Variants in RASGRP3 observed in about 807,000 individuals in gnomAD.
RASGRP3 encodes ras guanyl-releasing protein 3.
A neutral mutation model predicts 82.7 loss-of-function variants in RASGRP3; 54 were observed. The observed-to-expected ratio is 0.65, with a 90% CI of 0.52 to 0.82. The LOEUF is 0.82. Ranked by LOEUF, RASGRP3 falls within the 40% of genes least tolerant of loss-of-function variation. RASGRP3 has a pLI of 0.00. For missense variants in RASGRP3, 861 were observed against 828.9 expected (o/e 1.04, Z -0.48); for synonymous variants, 309 against 300.5 (o/e 1.03, Z -0.29).
chr2:33,488,404 G>C (rs924861882), intron 1 of RASGRP3, among the ~76,000 whole-genome samples: 1 of 152,152 alleles, frequency 6.6e-6, no homozygotes, highest in African/African-American at 2.4e-5. Context: ...ATGGAACACA[G>C]AAGATGCTTT....
chr2:33,458,938 C>T (rs765848685), intron 2 of RASGRP3, among the ~76,000 whole-genome samples: 35 of 152,082 alleles, frequency 2.3e-4, no homozygotes, highest in Non-Finnish European at 4.0e-4. Context: ...CAAATAGACT[C>T]TAACTTTTAA....
At chr2:33,467,368 C>A (rs1666758822) in intron 2 of RASGRP3, among the ~76,000 whole-genome samples, 1 of 152,116 alleles carries the variant, frequency 6.6e-6, no homozygotes, top group East Asian at 1.9e-4. Context: ...CTGACTGTGA[C>A]TGGGTGCTTA....
chr2:33,498,249 TAAC>T (rs1669517743), intron 1 of RASGRP3, among the ~76,000 whole-genome samples: 1 of 152,328 alleles, frequency 6.6e-6, no homozygotes, highest in South Asian at 2.1e-4. Context: ...TTAGTTCTCA[TAAC>T]AACCCTACAA....
intron 2 of RASGRP3, among the ~76,000 whole-genome samples, chr2:33,455,396 A>G (rs1039785520): frequency 6.6e-6 from 1 of 152,206 alleles, no homozygotes; most frequent in African/African-American, 2.4e-5. Flanking sequence ...TTTGATTCTT[A>G]GTCCTGTGCA....
At position 33,527,283 on chromosome 2, in the gene RASGRP3, C is replaced by G. The variant is rs552600627; in HGVS notation, c.954C>G (p.Asp318Glu). 1.2e-6 allele frequency: 2 copies of G among 1,613,982 alleles called. No individual in the cohort carries two copies. Among genetic ancestry groups the G allele is most frequent in the South Asian group, 1.1e-5 (1 of 91,086 alleles). Residue 318 changes from aspartate to glutamate, a missense_variant, in exon 10 of 18, where the codon GAC (aspartate) becomes GAG (glutamate). Asp to Glu is a conservative substitution (Grantham distance 45). Transcript: ENST00000403687. The stretch of plus-strand genomic sequence containing the variant: ...TAGCTGTCCATGTCATTTTCCCAGA[C>G]TGGACAGAGGAGAACAAAGTGAACA... Reference protein sequence around the residue: ...DLIAVHVIFPDWTEENKVNIV... With the variant: ...DLIAVHVIFPEWTEENKVNIV...
chr2:33,506,984 T>C (rs755763640), intron 1 of RASGRP3, among the ~76,000 whole-genome samples: 7 of 152,014 alleles, frequency 4.6e-5, no homozygotes, highest in Admixed American at 6.6e-5. Context: ...AACACCTGAT[T>C]GAAGAAAATA....
chr2:33,532,995 T>A (rs1673249054), intron 10 of RASGRP3: 1 of 152,182 alleles, frequency 6.6e-6, no homozygotes, highest in Admixed American at 6.5e-5. Flanking sequence ...GGCTTCCTCC[T>A]TCTTTCTTTT....
At chr2:33,559,783 T>C (rs750702680) in intron 17 of RASGRP3, 1 of 389,956 alleles carries the variant, frequency 2.6e-6, no homozygotes, top group Non-Finnish European at 5.2e-6. Flanking sequence ...GAATATTGGG[T>C]TAGGCAGAGA....
At chr2:33,467,203 T>C (rs564887918) in intron 2 of RASGRP3, among the ~76,000 whole-genome samples, 13 of 152,332 alleles carry the variant, frequency 8.5e-5, no homozygotes, top group African/African-American at 3.1e-4. Flanking sequence ...GCAATGCACA[T>C]TGAACACCGG....
chr2:33,519,690 G>A (rs1671828758), intron 4 of RASGRP3, among the ~76,000 whole-genome samples: 1 of 152,182 alleles, frequency 6.6e-6, no homozygotes, highest in Admixed American at 6.5e-5. Flanking sequence ...GGCAGTTATT[G>A]GTTAATAAGT....
At chr2:33,557,769 TC>T (rs1676163145) in intron 15 of RASGRP3, among the ~76,000 whole-genome samples, 1 of 151,114 alleles carries the variant, frequency 6.6e-6, no homozygotes, top group Admixed American at 6.6e-5. Flanking sequence ...CAGTAAATGA[TC>T]AGAGGCAGTT....
At chr2:33,550,032 C>A (rs1675214139) in intron 14 of RASGRP3, among the ~76,000 whole-genome samples, 1 of 152,168 alleles carries the variant, frequency 6.6e-6, no homozygotes, top group Non-Finnish European at 1.5e-5. Context: ...GCCCAATGAG[C>A]CCTGGCATTC....
At chr2:33,471,208 C>G (rs1667040427) in intron 2 of RASGRP3, among the ~76,000 whole-genome samples, 1 of 151,878 alleles carries the variant, frequency 6.6e-6, no homozygotes, top group South Asian at 2.1e-4. Context: ...AAAAGTTTTT[C>G]TCTGTTGCCC....
At chr2:33,545,730 TG>T (rs1489150828) in intron 13 of RASGRP3, among the ~76,000 whole-genome samples, 1 of 152,196 alleles carries the variant, frequency 6.6e-6, no homozygotes, top group Non-Finnish European at 1.5e-5. Context: ...TCAATATCAC[TG>T]ATAATTAGAG....
chr2:33,521,902 A>G, intron 6 of RASGRP3, 53 bp from the exon 7 acceptor site: 3 of 1,559,930 alleles, frequency 1.9e-6, no homozygotes, highest in Non-Finnish European at 2.6e-6. Flanking sequence ...AATAACTTCC[A>G]TTGAGTGAAA....
intron 9 of RASGRP3, 24 bp from the exon 10 acceptor site, chr2:33,527,113 T>C (rs1306127306): frequency 6.8e-6 from 11 of 1,611,374 alleles, no homozygotes; most frequent in Non-Finnish European, 9.3e-6. Flanking sequence ...TGTTTGAAAA[T>C]TCTACTTTTC....
chr2:33,514,827 C>T lies in RASGRP3; in HGVS notation c.-127-183C>T, dbSNP rs1038649449. On this transcript the variant is annotated intron_variant, in intron 2 of 17. Transcript: ENST00000403687. ...ATGGTCTCCAAGCAGCATCCATCCCCGAGAACAGCTTAGCAGGTATTTTGG... is the reference window on the plus strand; with the variant it reads ...ATGGTCTCCAAGCAGCATCCATCCCTGAGAACAGCTTAGCAGGTATTTTGG... Among the ~76,000 whole-genome samples, 8 of 152,066 alleles carry T rather than the reference C, an allele frequency of 5.3e-5. No homozygotes were observed. The East Asian group carries it at 5.8e-4, about 11-fold the overall frequency.
At chr2:33,524,239 A>AAGC (rs1184462726) in intron 8 of RASGRP3, among the ~76,000 whole-genome samples, 187 bp downstream of exon 8, 1 of 152,240 alleles carries the variant, frequency 6.6e-6, no homozygotes, top group Non-Finnish European at 1.5e-5. Context: ...CAATGCTTAG[A>AAGC]AGCATTTAAT....
rs140703540 is a variant in RASGRP3, at chr2:33,517,780, A to G, written c.173+1136A>G. Among the ~76,000 whole-genome samples, 3 of 152,288 alleles carry G rather than the reference A, an allele frequency of 2.0e-5. No homozygotes were observed. The East Asian group carries it at 5.8e-4, about 29-fold the overall frequency. ...TTGTCCAAAGAATGTACCCACCAAC[A>G]GCATTCTCACCCTTAGCATGGCCAC... is the stretch of plus-strand genomic sequence containing the variant. On this transcript the variant is annotated intron_variant, in intron 4 of 17. Transcript: ENST00000403687.
Sources: gnomAD v4.1 joint callset for allele counts (sites outside exome capture counted in the v4.1 genomes callset) on GRCh38, gnomAD v4.1.1 for gene constraint, MANE v1.5 for transcripts, NCBI Gene and HGNC (gene_info 2026-07-23, HGNC 2026-07-21) for gene names.